Variants in HIVEP3 observed in about 807,000 individuals in gnomAD.
HIVEP3 encodes transcription factor HIVEP3.
Under a neutral mutation model 152.8 loss-of-function variants are expected in HIVEP3, and 49 were observed. The observed-to-expected ratio is 0.32, with a 90% confidence interval of 0.26 to 0.41. The LOEUF (loss-of-function observed/expected upper bound fraction) is 0.41. Ranked by LOEUF, HIVEP3 falls within the 10% of genes least tolerant of loss-of-function variation. The pLI is 1.00. For synonymous variants in HIVEP3, 1,269 were observed against 1,289.0 expected (o/e 0.98, Z 0.33); for missense variants, 2,790 against 3,103.3 (o/e 0.90, Z 2.40).
rs1339100380 is a variant in HIVEP3, at chr1:41,508,898, C to G, written c.*1553G>C. 1 of 152,248 alleles carries G rather than the reference C, an allele frequency of 6.6e-6. No individual in the cohort carries two copies. The highest frequency in any genetic ancestry group is 1.5e-5 in the Non-Finnish European group (1 of 68,064). 9.4% of individuals were successfully genotyped at this position (152,248 alleles called of 1,614,324 possible). On this transcript the variant is annotated 3_prime_UTR_variant, in exon 9 of 9. Transcript: ENST00000372583. ...CCTCAACCGTAGTCCCTGTGCTGCCCTCCCTTGTAGAAAGTAAAGAAAATC... is the reference window on the plus strand; with the variant it reads ...CCTCAACCGTAGTCCCTGTGCTGCCGTCCCTTGTAGAAAGTAAAGAAAATC...
At chr1:41,517,255 G>T (rs78983441) in intron 7 of HIVEP3, among the ~76,000 whole-genome samples, 1 of 152,126 alleles carries the variant, frequency 6.6e-6, no homozygotes, top group Admixed American at 6.5e-5. Flanking sequence ...TGTGACCTTG[G>T]GCTATTTTTA....
intron 1 of HIVEP3, among the ~76,000 whole-genome samples, chr1:41,836,523 C>A (rs1034823135): frequency 6.6e-6 from 1 of 152,196 alleles, no homozygotes; most frequent in Non-Finnish European, 1.5e-5. Context: ...TACGAGTAAT[C>A]CCATCAACAA....
chr1:41,898,643 T>C (rs528167793), intron 1 of HIVEP3, among the ~76,000 whole-genome samples: 50 of 152,328 alleles, frequency 3.3e-4, no homozygotes, highest in Admixed American at 2.9e-3. Flanking sequence ...GGACGTGGAA[T>C]AAGTCCTCTC....
chr1:41,565,779 C>T (rs550359039), intron 5 of HIVEP3, among the ~76,000 whole-genome samples: 3 of 152,074 alleles, frequency 2.0e-5, no homozygotes, highest in African/African-American at 7.2e-5. Flanking sequence ...CCGAGACCCC[C>T]CTACCCAGGA....
At chr1:41,680,220 T>A (rs1310590082) in intron 2 of HIVEP3, among the ~76,000 whole-genome samples, 1 of 152,162 alleles carries the variant, frequency 6.6e-6, no homozygotes, top group Non-Finnish European at 1.5e-5. Context: ...ATTGGGCCAC[T>A]CCTCTCAGGC....
intron 1 of HIVEP3, among the ~76,000 whole-genome samples, chr1:42,027,473 A>G (rs1645588517): frequency 6.6e-6 from 1 of 152,200 alleles, no homozygotes; most frequent in Non-Finnish European, 1.5e-5. Flanking sequence ...TCAGAATAAA[A>G]TCCAAAGTCT....
chr1:41,535,042 C>T (rs1643364614), intron 5 of HIVEP3, among the ~76,000 whole-genome samples: 1 of 152,186 alleles, frequency 6.6e-6, no homozygotes, highest in Non-Finnish European at 1.5e-5. Flanking sequence ...TCCCATCAAC[C>T]ATTTTACCAT....
intron 1 of HIVEP3, among the ~76,000 whole-genome samples, chr1:41,938,515 C>T (rs932067764): frequency 2.6e-5 from 4 of 152,152 alleles, no homozygotes; most frequent in African/African-American, 7.2e-5. Context: ...AACCAAACCA[C>T]TGATGAATGT....
chr1:41,760,564 G>T (rs375129641), intron 1 of HIVEP3, among the ~76,000 whole-genome samples: 1 of 152,140 alleles, frequency 6.6e-6, no homozygotes, highest in African/African-American at 2.4e-5. Flanking sequence ...CTTCTCTAGG[G>T]CCTATTATAC....
chr1:41,800,543 C>T (rs1227279185), intron 1 of HIVEP3, among the ~76,000 whole-genome samples: 1 of 152,184 alleles, frequency 6.6e-6, no homozygotes, highest in African/African-American at 2.4e-5. Flanking sequence ...AGGAGTGAGC[C>T]CAGCCAAGAC....
rs1260763662 is a variant in HIVEP3, at chr1:41,698,756, C to G, written c.-721+2160G>C. ...GGTGCCAGTGCTCCTGGCCCCACCC[C>G]CCACAATGCTTCTGCTAGCCACAGC... On this transcript the variant is annotated intron_variant, in intron 2 of 8. Coordinates refer to ENST00000372583, the MANE Select transcript of HIVEP3 (RefSeq NM_024503.5). 3.9e-5 allele frequency among the ~76,000 whole-genome samples: 6 copies of G among 152,170 alleles called. No individual in the cohort carries two copies. In the South Asian group the frequency reaches 1.0e-3, roughly 26 times the overall value.
At chr1:41,944,633 G>A (rs1439887703) in intron 1 of HIVEP3, among the ~76,000 whole-genome samples, 1 of 152,176 alleles carries the variant, frequency 6.6e-6, no homozygotes, top group Non-Finnish European at 1.5e-5. Context: ...GAATCCAGCA[G>A]CCCGGATCCC....
intron 1 of HIVEP3, among the ~76,000 whole-genome samples, chr1:41,701,700 C>T (rs563786408): frequency 3.3e-5 from 5 of 152,288 alleles, no homozygotes; most frequent in South Asian, 4.1e-4. Context: ...AGAAAATAAA[C>T]AATACAAAAG....
At chr1:41,796,758 T>A (rs1425963249) in intron 1 of HIVEP3, among the ~76,000 whole-genome samples, 1 of 152,224 alleles carries the variant, frequency 6.6e-6, no homozygotes, top group Non-Finnish European at 1.5e-5. Flanking sequence ...AACAATTAGA[T>A]TTTTTAAAAA....
At chr1:41,670,028 G>A (rs1178071035) in intron 2 of HIVEP3, among the ~76,000 whole-genome samples, 1 of 152,158 alleles carries the variant, frequency 6.6e-6, no homozygotes, top group Non-Finnish European at 1.5e-5. Context: ...CTCATAGCTA[G>A]CAGAGGCCTC....
rs1179896477 is a variant in HIVEP3, at chr1:41,513,043, C to T, written c.6178G>A (p.Asp2060Asn). 3.1e-6 allele frequency: 5 copies of T among 1,613,576 alleles called. No homozygotes were observed. Among genetic ancestry groups the T allele is most frequent in the African/African-American group, 2.7e-5 (2 of 74,932 alleles). ...HVLSKLEGTT[D>N]PGLPRYSPTR... ...GGCGAGTATCTGGGGAGGCCTGGGT[C>T]GGTGGTACCCTCGAGTTTGGAGAGC... The change falls in exon 8 of 9, where the codon GAC becomes AAC. Residue 2060 changes from aspartate to asparagine, a missense_variant. Asp to Asn is a conservative substitution (Grantham distance 23, BLOSUM62 1). Transcript: ENST00000372583.
At chr1:41,800,068 C>T (rs543637026) in intron 1 of HIVEP3, among the ~76,000 whole-genome samples, 28 of 152,314 alleles carry the variant, frequency 1.8e-4, no homozygotes, top group Non-Finnish European at 3.4e-4. Context: ...ACTTCCTGAC[C>T]ATGCCACGTT....
chr1:41,750,865 C>A (rs1647149978), intron 1 of HIVEP3, among the ~76,000 whole-genome samples: 1 of 152,144 alleles, frequency 6.6e-6, no homozygotes, highest in African/African-American at 2.4e-5. Flanking sequence ...CAGGTATGCA[C>A]CACCACGCCT....
intron 1 of HIVEP3, among the ~76,000 whole-genome samples, chr1:41,855,228 G>A (rs1473985004): frequency 6.6e-6 from 1 of 150,942 alleles, no homozygotes; most frequent in Non-Finnish European, 1.5e-5. Flanking sequence ...TAACTGGTGT[G>A]AGATGATATC....
Sources: gnomAD v4.1 joint callset for allele counts (sites outside exome capture counted in the v4.1 genomes callset) on GRCh38, gnomAD v4.1.1 for gene constraint, MANE v1.5 for transcripts, NCBI Gene and HGNC (gene_info 2026-07-23, HGNC 2026-07-21) for gene names.